The following SLIT2 variants were observed in gnomAD, a reference collection of about 807,000 sequenced individuals.
The protein encoded by SLIT2 is slit guidance ligand 2.
Under a neutral mutation model 185.7 loss-of-function variants are expected in SLIT2, and 41 were observed. The ratio of observed to expected loss-of-function variants is 0.22; its 90% CI spans 0.17 to 0.29. The LOEUF (loss-of-function observed/expected upper bound fraction) is 0.29, where lower values mean the gene tolerates loss of function less well. SLIT2 is among the 10% of genes least tolerant of loss of function. The pLI, the probability that SLIT2 is intolerant of heterozygous loss-of-function variation, is 1.00. For missense variants in SLIT2, 1,571 were observed against 1,909.0 expected (o/e 0.82, Z 3.30); for synonymous variants, 693 against 680.2 (o/e 1.02, Z -0.29).
chr4:20,561,792 C>T (rs554588603), intron 26 of SLIT2, among the ~76,000 whole-genome samples: 10 of 151,354 alleles, frequency 6.6e-5, no homozygotes, highest in Non-Finnish European at 1.5e-4. Context: ...GTATGCTAAA[C>T]GTACCATTTA....
At chr4:20,441,529 C>T (rs1279137885) in intron 4 of SLIT2, among the ~76,000 whole-genome samples, 1 of 147,890 alleles carries the variant, frequency 6.8e-6, no homozygotes, top group Admixed American at 6.7e-5. Flanking sequence ...GTCTCTCTCT[C>T]TCTCTCTCTC....
In SLIT2 at chr4:20,288,336, G is replaced by A. The variant is rs568113795; in HGVS notation, c.395+19455G>A. Among the ~76,000 whole-genome samples, 6 of 152,218 alleles carry A rather than the reference G, an allele frequency of 3.9e-5. No homozygotes were observed. In the South Asian group the frequency reaches 6.2e-4, roughly 16 times the overall value. The stretch of plus-strand genomic sequence containing the variant: ...ACCTCATTGGCTTGTTGTGAAGATC[G>A]AATGAGTCTGTGAGGTCAGTGAAGC... On this transcript the variant is annotated intron_variant, in intron 4 of 36. Coordinates refer to ENST00000504154, the MANE Select transcript of SLIT2 (RefSeq NM_004787.4).
chr4:20,385,877 T>G (rs1560376309), intron 4 of SLIT2, among the ~76,000 whole-genome samples: 1 of 152,190 alleles, frequency 6.6e-6, no homozygotes, highest in East Asian at 1.9e-4. Context: ...TCTGCAAATT[T>G]TGCTTATTAC....
intron 4 of SLIT2, among the ~76,000 whole-genome samples, chr4:20,431,635 TC>T (rs1000665970): frequency 4.6e-5 from 7 of 152,216 alleles, no homozygotes; most frequent in African/African-American, 1.4e-4. Context: ...CTTGGCATCT[TC>T]TACAGAGACA....
chr4:20,383,330 A>T (rs1200939876), intron 4 of SLIT2, among the ~76,000 whole-genome samples: 1 of 152,196 alleles, frequency 6.6e-6, no homozygotes, highest in Non-Finnish European at 1.5e-5. Flanking sequence ...CATATCTGAT[A>T]AAGGATTTGT....
At chr4:20,537,652 TAATCTA>T (rs1722416123) in intron 18 of SLIT2, among the ~76,000 whole-genome samples, 1 of 152,184 alleles carries the variant, frequency 6.6e-6, no homozygotes, top group African/African-American at 2.4e-5. Flanking sequence ...ACTCCCTCCT[TAATCTA>T]GTTAGGTTTC....
intron 4 of SLIT2, among the ~76,000 whole-genome samples, chr4:20,325,979 G>A (rs1218453567): frequency 1.3e-5 from 2 of 152,068 alleles, no homozygotes; most frequent in East Asian, 3.9e-4. Flanking sequence ...TTGGTTTTGT[G>A]TTAAATGGCA....
intron 16 of SLIT2, among the ~76,000 whole-genome samples, chr4:20,530,684 T>C (rs114266618): frequency 6.6e-6 from 1 of 152,156 alleles, no homozygotes; most frequent in Non-Finnish European, 1.5e-5. Context: ...ATTTATAATT[T>C]TTTTAATTAT....
intron 15 of SLIT2, among the ~76,000 whole-genome samples, chr4:20,527,983 G>C (rs944639319): frequency 6.6e-6 from 1 of 151,832 alleles, no homozygotes; most frequent in Non-Finnish European, 1.5e-5. Flanking sequence ...GATCTTTTGA[G>C]CTTCTCTGTT....
intron 4 of SLIT2, among the ~76,000 whole-genome samples, chr4:20,410,343 G>T (rs1479292377): frequency 1.4e-5 from 2 of 141,938 alleles, no homozygotes; most frequent in Admixed American, 1.5e-4. Flanking sequence ...CCGCCTCCCA[G>T]GTTCAAGCGA....
chr4:20,493,313 G>A (rs1717948199), intron 9 of SLIT2, among the ~76,000 whole-genome samples: 1 of 150,468 alleles, frequency 6.6e-6, no homozygotes, highest in Non-Finnish European at 1.5e-5. Flanking sequence ...CACTTGATGG[G>A]AAGATATTAG....
At chr4:20,573,126 G>T (rs533622452) in intron 29 of SLIT2, 18 of 684,298 alleles carry the variant, frequency 2.6e-5, no homozygotes, top group South Asian at 2.4e-4. Context: ...CAGCTTGCTC[G>T]CCCACCCCTG....
rs1038638109 is a variant in SLIT2 at position 20,496,053 on chromosome 4, T to G, written c.914+4154T>G. ...TTGGTTGAGTTTCTTTATTGCAAGTTATGAGATATTTCATTCAATAATTTT... is the reference window on the plus strand; with the variant it reads ...TTGGTTGAGTTTCTTTATTGCAAGTGATGAGATATTTCATTCAATAATTTT... On this transcript the variant is annotated intron_variant, in intron 9 of 36. Coordinates refer to ENST00000504154, the MANE Select transcript of SLIT2 (RefSeq NM_004787.4). Among the ~76,000 whole-genome samples, 38 of 152,216 alleles carry G rather than the reference T, an allele frequency of 2.5e-4. 1 individual carries two copies. The highest frequency in any genetic ancestry group is 8.9e-4 in the African/African-American group (37 of 41,464).
chr4:20,428,959 G>T (rs10026931), intron 4 of SLIT2, among the ~76,000 whole-genome samples: 1 of 152,164 alleles, frequency 6.6e-6, no homozygotes, highest in Non-Finnish European at 1.5e-5. Flanking sequence ...GCCAGCAAAT[G>T]ACATCACTTT....
At chr4:20,291,225 T>C (rs1218567234) in intron 4 of SLIT2, among the ~76,000 whole-genome samples, 1 of 152,008 alleles carries the variant, frequency 6.6e-6, no homozygotes, top group African/African-American at 2.4e-5. Context: ...GATATCTAAG[T>C]CGTTCCTGGA....
chr4:20,504,528 CAG>C (rs1719022023), intron 9 of SLIT2, among the ~76,000 whole-genome samples: 1 of 152,106 alleles, frequency 6.6e-6, no homozygotes, highest in Non-Finnish European at 1.5e-5. Context: ...CTGTTGATCA[CAG>C]AGATTGCAGC....
intron 4 of SLIT2, among the ~76,000 whole-genome samples, chr4:20,463,448 G>GAT (rs56256520): frequency 0.038 from 2,541 of 66,258 alleles, 43 homozygotes; most frequent in Non-Finnish European, 0.048. Flanking sequence ...CTCAAACTGT[G>GAT]ATATATATAT....
chr4:20,340,910 T>G (rs1720913430), intron 4 of SLIT2, among the ~76,000 whole-genome samples: 1 of 152,172 alleles, frequency 6.6e-6, no homozygotes, highest in African/African-American at 2.4e-5. Context: ...CAATAAATTT[T>G]GTAATATATT....
At chr4:20,565,817 C>A (rs1043018102) in intron 26 of SLIT2, among the ~76,000 whole-genome samples, 3 of 151,896 alleles carry the variant, frequency 2.0e-5, no homozygotes, top group Non-Finnish European at 2.9e-5. Context: ...AAACAAAAAA[C>A]AATTTCTATG....
Sources: allele counts gnomAD v4.1 joint callset (sites outside exome capture counted in the v4.1 genomes callset), GRCh38; gene constraint gnomAD v4.1.1; transcripts MANE v1.5; gene names NCBI Gene and HGNC (gene_info 2026-07-23, HGNC 2026-07-21).